DAZL: variants seen among roughly 807,000 people sequenced by gnomAD.
DAZL encodes deleted in azoospermia-like.
A neutral mutation model predicts 45.0 loss-of-function variants in DAZL; 4 were observed. That is an observed-to-expected ratio of 0.09 (90% CI 0.04 to 0.20). The LOEUF is 0.20. Ranked by LOEUF, DAZL falls within the 10% of genes least tolerant of loss-of-function variation. The probability of loss-of-function intolerance (pLI) is 1.00; values close to 1 mark genes in which losing one functional copy is unlikely to be tolerated. For missense variants in DAZL, 326 were observed against 351.3 expected, an observed-to-expected ratio of 0.93 and a Z score of 0.58; for synonymous variants, 122 against 112.4, an observed-to-expected ratio of 1.09 and a Z score of -0.54.
chr3:16,593,114 A>G (rs1040149610), intron 9 of DAZL, among the ~76,000 whole-genome samples: 1 of 152,230 alleles, frequency 6.6e-6, no homozygotes, highest in African/African-American at 2.4e-5. Context: ...GAAAAGGTAC[A>G]TGTAATTCGT....
chr3:16,598,802 T>A lies in DAZL; in HGVS notation c.4-204A>T, dbSNP rs201138082. Among the ~76,000 whole-genome samples the A allele has an allele frequency of 3.4e-3, 495 of 146,420 alleles. 7 individuals are homozygous for A. The highest frequency in any genetic ancestry group is 0.012 in the African/African-American group (462 of 38,570). On this transcript the variant is annotated intron_variant, in intron 1 of 10. Transcript: ENST00000399444. The stretch of plus-strand genomic sequence containing the variant: ...GGATATAGTACTTTTTTTTTTTTTT[T>A]GAGAGAGTCTCGCCCTTGTCACCCA...
chr3:16,603,613 A>AT (rs533766425), intron 1 of DAZL, among the ~76,000 whole-genome samples: 6 of 152,252 alleles, frequency 3.9e-5, no homozygotes, highest in Admixed American at 3.9e-4. Context: ...TCCTAAAGAG[A>AT]TTGATTACAG....
intron 1 of DAZL, chr3:16,604,793 G>A (rs1033124598): frequency 3.7e-6 from 5 of 1,351,892 alleles, no homozygotes; most frequent in African/African-American, 1.5e-5. Context: ...GTGGGAGTGG[G>A]GGAGGGGCGG....
intron 10 of DAZL, among the ~76,000 whole-genome samples, chr3:16,588,997 G>A (rs12374151): frequency 0.1 from 15,193 of 152,022 alleles, 1,023 homozygotes; most frequent in Middle Eastern, 0.14. Flanking sequence ...ATCATTTTAT[G>A]TACTTCTTAA....
At chr3:16,591,647 T>C (rs557961542) in intron 10 of DAZL, among the ~76,000 whole-genome samples, 1 of 152,196 alleles carries the variant, frequency 6.6e-6, no homozygotes, top group Admixed American at 6.5e-5. Context: ...TTGCCCAGGG[T>C]GGTCTCGAAC....
intron 1 of DAZL, among the ~76,000 whole-genome samples, chr3:16,602,479 G>A (rs1694706161): frequency 6.6e-6 from 1 of 151,850 alleles, no homozygotes; most frequent in African/African-American, 2.4e-5. Context: ...AAACACAGAA[G>A]AGGAGATTAA....
chr3:16,604,352 T>A, intron 1 of DAZL: 3 of 1,222,444 alleles, frequency 2.5e-6, no homozygotes, highest in Non-Finnish European at 3.4e-6. Context: ...GGACATTTTG[T>A]CAAAGGATCC....
chr3:16,588,727 A>C lies in DAZL; in HGVS notation c.835-14T>G. On this transcript the variant is annotated splice_polypyrimidine_tract_variant and intron_variant, in intron 10 of 10. Transcript: ENST00000399444. ...CACTCTTTTATCCTGGAAAAGACAGAAAGAGTCCTTTTACTTTACTGAAAA... is the reference window on the plus strand; with the variant it reads ...CACTCTTTTATCCTGGAAAAGACAGCAAGAGTCCTTTTACTTTACTGAAAA... 6.2e-7 allele frequency: 1 copy of C among 1,608,316 alleles called. No homozygotes were observed. Among genetic ancestry groups the C allele is most frequent in the South Asian group, 1.1e-5 (1 of 90,950 alleles).
At chr3:16,591,561 G>A (rs1216894492) in intron 10 of DAZL, among the ~76,000 whole-genome samples, 1 of 151,752 alleles carries the variant, frequency 6.6e-6, no homozygotes, top group Non-Finnish European at 1.5e-5. Flanking sequence ...TCCCTCTGAA[G>A]TAGCTGGGAC....
chr3:16,605,420 G>C lies in DAZL; in HGVS notation c.-215C>G. 1.6e-6 allele frequency: 1 copy of C among 643,746 alleles called. No individual in the cohort carries two copies. Among genetic ancestry groups the C allele is most frequent in the Non-Finnish European group, 2.8e-6 (1 of 358,856 alleles). The allele number at this position is 643,746 out of a possible 1,614,324, so 39.9% of individuals were successfully genotyped here. ...ACCGTCAGGCTGAGGAGCGCAGGCGGACTGAGGCGTGGTCCGCGGGGCTCA... is the reference window on the plus strand; with the variant it reads ...ACCGTCAGGCTGAGGAGCGCAGGCGCACTGAGGCGTGGTCCGCGGGGCTCA... On this transcript the variant is annotated 5_prime_UTR_variant, in exon 1 of 11. Transcript: ENST00000399444.
At chr3:16,592,015 T>A (rs758386437) in intron 10 of DAZL, 35 bp downstream of exon 10, 3 of 1,588,984 alleles carry the variant, frequency 1.9e-6, no homozygotes, top group Non-Finnish European at 2.6e-6. Flanking sequence ...CTAACAAGTG[T>A]GCTTTTTAAT....
rs1416271207 is a variant in DAZL at position 16,604,629 on chromosome 3, C to G, written c.3+574G>C. The G allele has an allele frequency of 2.9e-6, 4 of 1,372,490 alleles. No individual in the cohort carries two copies. In the Admixed American group the frequency reaches 1.3e-4, roughly 45 times the overall value. The allele number at this position is 1,372,490 out of a possible 1,614,324, so 85.0% of individuals were successfully genotyped here. A position where few individuals can be genotyped will look rare whatever the true frequency, so the allele number is the denominator to read the frequency against. ...CGCTGAGGCCCCCACGAACCCCGCC[C>G]ACCCCACCAAGTACAGGGACCAGGA... On this transcript the variant is annotated intron_variant, in intron 1 of 10. Transcript: ENST00000399444.
At chr3:16,589,945 A>G (rs760690918) in intron 10 of DAZL, among the ~76,000 whole-genome samples, 6 of 151,986 alleles carry the variant, frequency 3.9e-5, no homozygotes, top group Non-Finnish European at 7.4e-5. Context: ...GTAGCGGTGC[A>G]TGTCTGTAGT....
At chr3:16,605,057 T>A in intron 1 of DAZL, 146 bp downstream of exon 1, 1 of 1,101,270 alleles carries the variant, frequency 9.1e-7, no homozygotes, top group Non-Finnish European at 1.4e-6. Flanking sequence ...CCCAACTCTG[T>A]GGGCCATGGC....
intron 9 of DAZL, 38 bp from the exon 10 acceptor site, chr3:16,592,186 C>G (rs1222330226): frequency 1.0e-5 from 16 of 1,604,212 alleles, no homozygotes; most frequent in Non-Finnish European, 1.3e-5. Flanking sequence ...AAAGACGACT[C>G]TTTCACTCAC....
At chr3:16,604,800 G>T in intron 1 of DAZL, 2 of 1,334,322 alleles carry the variant, frequency 1.5e-6, no homozygotes, top group Non-Finnish European at 1.9e-6. Flanking sequence ...TGGGGGAGGG[G>T]CGGAGGCGCG....
At position 16,601,786 on chromosome 3, in the gene DAZL, T is replaced by C. The variant is rs995943338; in HGVS notation, c.4-3188A>G. Reference sequence around the variant, plus strand: ...ACGGGTGAGCTTCAAGACCATCATATACACAACTCTCATTGTTATTTATAG... The same window carrying C: ...ACGGGTGAGCTTCAAGACCATCATACACACAACTCTCATTGTTATTTATAG... On this transcript the variant is annotated intron_variant, in intron 1 of 10. Coordinates refer to ENST00000399444, the MANE Select transcript of DAZL (RefSeq NM_001351.4). Among the ~76,000 whole-genome samples, 85 of 152,340 alleles carry C rather than the reference T, an allele frequency of 5.6e-4. 1 individual carries two copies. Among genetic ancestry groups the C allele is most frequent in the African/African-American group, 1.9e-3 (78 of 41,590 alleles).
chr3:16,598,001 G>T (rs1396194035), intron 3 of DAZL, 86 bp downstream of exon 3: 8 of 1,283,618 alleles, frequency 6.2e-6, no homozygotes, highest in Non-Finnish European at 8.8e-6. Context: ...ACAAATTTAT[G>T]TTAAGTGTCA....
chr3:16,595,266 G>T, intron 7 of DAZL, 48 bp downstream of exon 7: 1 of 1,035,094 alleles, frequency 9.7e-7, no homozygotes, highest in South Asian at 1.6e-5. Flanking sequence ...CAAGTTAAAG[G>T]CCTCAATAAA....
Sources: gnomAD v4.1 joint callset for allele counts (sites outside exome capture counted in the v4.1 genomes callset) on GRCh38, gnomAD v4.1.1 for gene constraint, MANE v1.5 for transcripts, NCBI Gene and HGNC (gene_info 2026-07-23, HGNC 2026-07-21) for gene names.